Variants in ADGRF5 observed in about 807,000 individuals in gnomAD.
ADGRF5 encodes adhesion G protein-coupled receptor F5.
Under a neutral mutation model 132.3 loss-of-function variants are expected in ADGRF5, and 75 were observed. That is an observed-to-expected ratio of 0.57 (90% CI 0.47 to 0.69). The LOEUF (loss-of-function observed/expected upper bound fraction) is 0.69. Among genes scored for constraint, ADGRF5 ranks in the 30% least tolerant of loss-of-function variants. ADGRF5 has a pLI of 0.00. For missense variants in ADGRF5, 1,516 were observed against 1,630.6 expected, an observed-to-expected ratio of 0.93 and a Z score of 1.21; for synonymous variants, 629 against 597.6, an observed-to-expected ratio of 1.05 and a Z score of -0.77.
intron 3 of ADGRF5, among the ~76,000 whole-genome samples, chr6:46,895,965 AT>A (rs1467251854): frequency 1.1e-4 from 17 of 152,078 alleles, no homozygotes; most frequent in African/African-American, 3.9e-4. Context: ...AGTCACAGGG[AT>A]TATTGCTGTC....
chr6:46,914,598 G>C (rs937559124), intron 1 of ADGRF5, among the ~76,000 whole-genome samples: 10 of 152,054 alleles, frequency 6.6e-5, no homozygotes, highest in African/African-American at 2.4e-4. Flanking sequence ...TGCACATGTG[G>C]GCGGCGTTGA....
chr6:46,922,646 C>T (rs1227549562), upstream of ADGRF5, among the ~76,000 whole-genome samples: 1 of 152,146 alleles, frequency 6.6e-6, no homozygotes, highest in Non-Finnish European at 1.5e-5. Flanking sequence ...AACTGAGGCC[C>T]AAGGAGAACC....
intron 20 of ADGRF5, 95 bp from the exon 21 acceptor site, chr6:46,854,166 A>C: frequency 1.2e-6 from 1 of 827,212 alleles, no homozygotes; most frequent in Non-Finnish European, 1.9e-6. Flanking sequence ...GCAGTGGTCC[A>C]GGTGCCAGGT....
intron 10 of ADGRF5, among the ~76,000 whole-genome samples, chr6:46,877,354 T>C (rs867331035): frequency 3.7e-3 from 175 of 47,456 alleles, no homozygotes; most frequent in South Asian, 6.2e-3. Flanking sequence ...TCTTTCTTTC[T>C]TTCTTTCTTT....
At position 46,889,943 on chromosome 6, in the gene ADGRF5, C is replaced by T. The variant is rs532105266; in HGVS notation, c.158-1438G>A. Reference sequence around the variant, plus strand: ...AGCTCACCACATTATAAATAAATGACGAATCAATTCTTGTTAAACCTGAAA... The same window carrying T: ...AGCTCACCACATTATAAATAAATGATGAATCAATTCTTGTTAAACCTGAAA... On this transcript the variant is annotated intron_variant, in intron 3 of 20. Coordinates refer to ENST00000283296, the MANE Select transcript of ADGRF5 (RefSeq NM_001098518.2). 1.4e-3 allele frequency among the ~76,000 whole-genome samples: 219 copies of T among 151,920 alleles called. 5 individuals carry two copies. The South Asian group carries it at 0.03, about 21-fold the overall frequency.
intron 1 of ADGRF5, among the ~76,000 whole-genome samples, chr6:46,921,378 C>T (rs1326833531): frequency 6.6e-6 from 1 of 151,858 alleles, no homozygotes; most frequent in Non-Finnish European, 1.5e-5. Context: ...CTCATGAATG[C>T]ACTGGTTTTT....
chr6:46,914,428 C>T (rs4714958), intron 1 of ADGRF5, among the ~76,000 whole-genome samples: 20,494 of 152,148 alleles, frequency 0.13, 1,489 homozygotes, highest in Middle Eastern at 0.18. Flanking sequence ...GACACAATAA[C>T]AATTAAAGAA....
At chr6:46,935,411 C>G (rs890037732) in intron 1 of ADGRF5, among the ~76,000 whole-genome samples, 2 of 152,196 alleles carry the variant, frequency 1.3e-5, no homozygotes, top group Non-Finnish European at 2.9e-5. Context: ...CCACTCCACC[C>G]TGGTGTCACG....
In ADGRF5 at chr6:46,879,715, A is replaced by G. The variant is rs889478244; in HGVS notation, c.1036+103T>C. ...TGAACCAGGAGACTTATTTTGGAAGAGAAAAACACTATCTACATAGCTACG... is the reference window on the plus strand; with the variant it reads ...TGAACCAGGAGACTTATTTTGGAAGGGAAAAACACTATCTACATAGCTACG... On this transcript the variant is annotated intron_variant, in intron 9 of 20. Coordinates refer to ENST00000283296, the MANE Select transcript of ADGRF5 (RefSeq NM_001098518.2). 4 of 804,248 alleles carry G rather than the reference A, an allele frequency of 5.0e-6. No homozygotes were observed. In the African/African-American group the frequency reaches 6.8e-5, roughly 14 times the overall value. 49.8% of individuals were successfully genotyped at this position (804,248 alleles called of 1,614,324 possible).
In ADGRF5 at chr6:46,906,644, A is replaced by T. The variant is rs1263350554; in HGVS notation, c.102+17T>A. ...AATGTGACAAGAAAAATTATAGCAG[A>T]TATGGATATAACTCACCAAAGGATG... On this transcript the variant is annotated intron_variant, in intron 2 of 20. Coordinates refer to ENST00000283296, the MANE Select transcript of ADGRF5 (RefSeq NM_001098518.2). The T allele has an allele frequency of 8.4e-7, 1 of 1,194,676 alleles. No homozygotes were observed. Among genetic ancestry groups the T allele is most frequent in the African/African-American group, 1.5e-5 (1 of 65,876 alleles). The allele number at this position is 1,194,676 out of a possible 1,614,324, so 74.0% of individuals were successfully genotyped here.
rs1197151066 is a variant in ADGRF5, at chr6:46,884,145, C to T, written c.455G>A (p.Ser152Asn). 6.2e-7 allele frequency: 1 copy of T among 1,614,150 alleles called. No individual in the cohort carries two copies. Among genetic ancestry groups the T allele is most frequent in the Admixed American group, 1.7e-5 (1 of 60,012 alleles). The change falls in exon 5 of 21, where the codon AGT becomes AAT. Residue 152 changes from serine (S) to asparagine (N), a missense_variant. Ser to Asn is a conservative substitution (Grantham distance 46). Coordinates refer to ENST00000283296, the MANE Select transcript of ADGRF5 (RefSeq NM_001098518.2). ...RDVFLPGHHC[S>N]CLKELPPNGP... is the part of the protein sequence containing the mutation. ...ATTGGGAGGCAGTTCTTTAAGGCAA[C>T]TGCAATGGTGCCCTGGGAGGAAGAC...
intron 1 of ADGRF5, among the ~76,000 whole-genome samples, chr6:46,951,458 A>C (rs1778496895): frequency 6.6e-6 from 1 of 152,166 alleles, no homozygotes; most frequent in African/African-American, 2.4e-5. Flanking sequence ...CATGGGGGAA[A>C]ATGATACTAT....
At chr6:46,910,249 G>A (rs975557220) in intron 1 of ADGRF5, among the ~76,000 whole-genome samples, 11 of 152,178 alleles carry the variant, frequency 7.2e-5, no homozygotes, top group Admixed American at 2.6e-4. Flanking sequence ...AACCATTTAT[G>A]ATAGGATTGT....
intron 10 of ADGRF5, among the ~76,000 whole-genome samples, chr6:46,876,693 T>A (rs1225971926): frequency 6.6e-6 from 1 of 152,174 alleles, no homozygotes; most frequent in African/African-American, 2.4e-5. Flanking sequence ...AACCTCGGCC[T>A]CTCGGGTTCA....
chr6:46,933,043 G>A, intron 1 of ADGRF5, among the ~76,000 whole-genome samples: 1 of 152,210 alleles, frequency 6.6e-6, no homozygotes, highest in East Asian at 1.9e-4. Flanking sequence ...GGAGGCAGCA[G>A]TGATGGGAAT....
chr6:46,953,651 GTATA>G lies in ADGRF5; in HGVS notation c.-25+1079_-25+1082del, dbSNP rs61302381. On this transcript the variant is annotated intron_variant, in intron 1 of 20. Transcript: ENST00000265417. Reference sequence around the variant, plus strand: ...AAATTATATATATATAGATATATGTGTATATATATATATATATATATATATATAT... The same window carrying G: ...AAATTATATATATATAGATATATGTGTATATATATATATATATATATATAT... 5.2e-3 allele frequency among the ~76,000 whole-genome samples: 218 copies of G among 42,168 alleles called. 3 individuals are homozygous for G. The highest frequency in any genetic ancestry group is 0.019 in the East Asian group (14 of 718). The allele number at this position is 42,168 out of a possible 152,430, so 27.7% of individuals were successfully genotyped here.
At chr6:46,905,504 A>G (rs547596014) in intron 2 of ADGRF5, 1 of 152,330 alleles carries the variant, frequency 6.6e-6, no homozygotes, top group Non-Finnish European at 1.5e-5. Context: ...ATACAAATTT[A>G]CTTGCTCAAG....
At chr6:46,929,103 C>A (rs1370059154) in intron 1 of ADGRF5, among the ~76,000 whole-genome samples, 13 of 152,022 alleles carry the variant, frequency 8.6e-5, no homozygotes, top group Non-Finnish European at 1.9e-4. Flanking sequence ...AAATGTCCAA[C>A]AATGATAGAC....
chr6:46,899,967 GTTGCAACACATACCAT>G, intron 3 of ADGRF5, 46 bp downstream of exon 3: 8 of 1,125,966 alleles, frequency 7.1e-6, no homozygotes, highest in Non-Finnish European at 9.5e-6. Context: ...GTTTTAAAAA[GTTGCAACACATACCAT>G]TTGAGTCAAC....
Sources: allele counts gnomAD v4.1 joint callset (sites outside exome capture counted in the v4.1 genomes callset), GRCh38; gene constraint gnomAD v4.1.1; transcripts MANE v1.5; gene names NCBI Gene and HGNC (gene_info 2026-07-23, HGNC 2026-07-21).